Variants in SND1 observed in about 807,000 individuals in gnomAD.
SND1 encodes staphylococcal nuclease domain-containing protein 1.
SND1 carries 38 observed loss-of-function variants against 121.7 expected under a neutral mutation model. That is an observed-to-expected ratio of 0.31 (90% CI 0.24 to 0.41). The LOEUF (loss-of-function observed/expected upper bound fraction) is 0.41. Ranked by LOEUF, SND1 falls within the 10% of genes least tolerant of loss-of-function variation. The pLI is 1.00. For synonymous variants in SND1, 401 were observed against 447.4 expected (o/e 0.90, Z 1.31); for missense variants, 868 against 1,184.6 (o/e 0.73, Z 3.92).
At chr7:127,777,253 C>T (rs771225705) in intron 10 of SND1, among the ~76,000 whole-genome samples, 1 of 152,204 alleles carries the variant, frequency 6.6e-6, no homozygotes, top group Non-Finnish European at 1.5e-5. Flanking sequence ...ATGAAGCCTT[C>T]TTATGGCAGT....
chr7:128,002,196 C>T (rs558494844), intron 16 of SND1, among the ~76,000 whole-genome samples: 22 of 152,334 alleles, frequency 1.4e-4, no homozygotes, highest in East Asian at 9.6e-4. Context: ...TCAGTCACCG[C>T]GCTGCTTTGG....
intron 16 of SND1, among the ~76,000 whole-genome samples, chr7:128,043,706 T>C (rs1223619512): frequency 6.6e-6 from 1 of 151,614 alleles, no homozygotes; most frequent in Non-Finnish European, 1.5e-5. Flanking sequence ...ACCTTGCAGC[T>C]ACCAGATGTT....
chr7:127,811,750 C>G (rs1293187134), intron 11 of SND1, among the ~76,000 whole-genome samples: 4 of 151,944 alleles, frequency 2.6e-5, no homozygotes. Context: ...GGTTGGCAAC[C>G]CAACTACTGT....
At chr7:127,883,739 T>C (rs1799841808) in intron 12 of SND1, among the ~76,000 whole-genome samples, 1 of 152,176 alleles carries the variant, frequency 6.6e-6, no homozygotes, top group African/African-American at 2.4e-5. Flanking sequence ...GGTGTTGCAG[T>C]TAGAGGTCAT....
intron 10 of SND1, among the ~76,000 whole-genome samples, chr7:127,769,767 A>G (rs1244096755): frequency 6.6e-6 from 1 of 152,166 alleles, no homozygotes; most frequent in African/African-American, 2.4e-5. Flanking sequence ...ATATATGTTT[A>G]TATTCCCTTT....
chr7:127,952,683 A>G (rs1801488741), intron 15 of SND1, among the ~76,000 whole-genome samples: 1 of 152,234 alleles, frequency 6.6e-6, no homozygotes, highest in Non-Finnish European at 1.5e-5. Context: ...AGTTAACAAC[A>G]ATCTAGATTA....
chr7:127,726,308 G>T (rs574707183), intron 10 of SND1, among the ~76,000 whole-genome samples: 2 of 152,304 alleles, frequency 1.3e-5, no homozygotes, highest in African/African-American at 2.4e-5. Context: ...ATTCTAGCTG[G>T]ATTTGTCTGA....
rs200034470 is a variant in SND1, at chr7:127,854,159, CTG to C, written c.1343+9737_1343+9738del. ...TTTTGTTTTGAGACACAGTCTCACT[CTG>C]TTGCCCAGGCTGGAGTGCAGGGGTG... is the stretch of plus-strand genomic sequence containing the variant. On this transcript the variant is annotated intron_variant, in intron 12 of 23. Transcript: ENST00000354725. 2.2e-4 allele frequency among the ~76,000 whole-genome samples: 34 copies of C among 152,312 alleles called. 1 individual carries two copies. In the East Asian group the frequency reaches 6.2e-3, roughly 28 times the overall value.
At chr7:128,058,849 T>G (rs1793185001) in intron 16 of SND1, among the ~76,000 whole-genome samples, 1 of 152,082 alleles carries the variant, frequency 6.6e-6, no homozygotes, top group East Asian at 1.9e-4. Context: ...CCCTCCTTCC[T>G]TAAAACCAGC....
At chr7:127,667,872 G>A (rs959240553) in intron 1 of SND1, among the ~76,000 whole-genome samples, 2 of 151,066 alleles carry the variant, frequency 1.3e-5, no homozygotes, top group Non-Finnish European at 3.0e-5. Context: ...ATGAGAGAGT[G>A]TAGAATTTGG....
chr7:127,720,171 C>A (rs3808097), intron 9 of SND1, among the ~76,000 whole-genome samples: 49,573 of 152,074 alleles, frequency 0.33, 9,018 homozygotes, highest in Admixed American at 0.42. Context: ...AGTGTGACAT[C>A]CATGATGGCA....
At chr7:127,908,587 G>A (rs982915535) in intron 14 of SND1, among the ~76,000 whole-genome samples, 2 of 152,122 alleles carry the variant, frequency 1.3e-5, no homozygotes, top group African/African-American at 4.8e-5. Context: ...TCCAGAGTGT[G>A]TAGAACCAGC....
intron 14 of SND1, among the ~76,000 whole-genome samples, chr7:127,913,531 T>A (rs1481811957): frequency 6.6e-6 from 1 of 152,228 alleles, no homozygotes; most frequent in African/African-American, 2.4e-5. Context: ...TGGTCCATGC[T>A]CTTCGGTTGT....
At chr7:127,665,261 A>C (rs1795393525) in intron 1 of SND1, among the ~76,000 whole-genome samples, 2 of 150,546 alleles carry the variant, frequency 1.3e-5, no homozygotes, top group Non-Finnish European at 2.9e-5. Context: ...ATCTTGGCTT[A>C]CTGCAAGCTC....
chr7:127,886,007 T>C (rs762937415), intron 12 of SND1, among the ~76,000 whole-genome samples: 1 of 152,110 alleles, frequency 6.6e-6, no homozygotes, highest in Non-Finnish European at 1.5e-5. Context: ...CCTCACCATG[T>C]ATCAACATCT....
chr7:128,076,401 T>A (rs768186855), intron 17 of SND1, among the ~76,000 whole-genome samples: 1 of 152,164 alleles, frequency 6.6e-6, no homozygotes, highest in Non-Finnish European at 1.5e-5. Context: ...TGCACAACTC[T>A]CAGTGCTAGG....
At position 128,049,854 on chromosome 7, in the gene SND1, G is replaced by A. The variant is rs551452574; in HGVS notation, c.1780-24648G>A. 2.3e-4 allele frequency among the ~76,000 whole-genome samples: 35 copies of A among 152,232 alleles called. No individual in the cohort carries two copies. The South Asian group carries it at 4.6e-3, about 20-fold the overall frequency. ...GGTCCAGGGTACAGTGGATCTCTGG[G>A]GCAGTGTGAAGGTAAAAGAGATTCT... is the stretch of plus-strand genomic sequence containing the variant. On this transcript the variant is annotated intron_variant, in intron 16 of 23. Transcript: ENST00000354725.
intron 12 of SND1, among the ~76,000 whole-genome samples, chr7:127,845,859 TG>T (rs1369744815): frequency 6.6e-6 from 1 of 152,248 alleles, no homozygotes; most frequent in African/African-American, 2.4e-5. Flanking sequence ...CTGCTTAAAA[TG>T]AGATATTCAG....
intron 15 of SND1, among the ~76,000 whole-genome samples, chr7:127,975,780 T>C (rs1273376882): frequency 1.3e-5 from 2 of 152,146 alleles, no homozygotes; most frequent in Admixed American, 6.5e-5. Context: ...CATGAGACTT[T>C]CTTCTGTGCG....
Sources: gnomAD v4.1 joint callset for allele counts (sites outside exome capture counted in the v4.1 genomes callset) on GRCh38, gnomAD v4.1.1 for gene constraint, MANE v1.5 for transcripts, NCBI Gene and HGNC (gene_info 2026-07-23, HGNC 2026-07-21) for gene names.